The following C8orf34 variants were observed in gnomAD, a reference collection of about 807,000 sequenced individuals.
The protein encoded by C8orf34 is uncharacterized protein C8orf34.
A neutral mutation model predicts 68.3 loss-of-function variants in C8orf34; 65 were observed. The observed-to-expected ratio is 0.95, with a 90% CI of 0.78 to 1.17. The LOEUF (loss-of-function observed/expected upper bound fraction) is 1.17, where lower values mean the gene tolerates loss of function less well. Ranked by LOEUF, C8orf34 falls within the 50% of genes most tolerant of loss-of-function variation. The pLI is 0.00. For synonymous variants in C8orf34, 244 were observed against 241.2 expected (o/e 1.01, Z -0.11); for missense variants, 664 against 655.4 (o/e 1.01, Z -0.14).
At chr8:68,553,975 A>T (rs2130082880) in intron 7 of C8orf34, among the ~76,000 whole-genome samples, 1 of 152,314 alleles carries the variant, frequency 6.6e-6, no homozygotes, top group East Asian at 1.9e-4. Context: ...TGAAAATCAA[A>T]AAATGAGATA....
At chr8:68,395,127 A>C (rs1563402752) in intron 1 of C8orf34, among the ~76,000 whole-genome samples, 1 of 151,946 alleles carries the variant, frequency 6.6e-6, no homozygotes, top group Non-Finnish European at 1.5e-5. Flanking sequence ...AAAGTACAAA[A>C]AGTATTTTTT....
In C8orf34 at chr8:68,654,731, A is replaced by G. The variant is rs1819464466; in HGVS notation, c.1241+14220A>G. Among the ~76,000 whole-genome samples the G allele has an allele frequency of 2.0e-5, 3 of 152,176 alleles. No homozygotes were observed. In the East Asian group the frequency reaches 5.8e-4, roughly 29 times the overall value. On this transcript the variant is annotated intron_variant, in intron 8 of 13. Coordinates refer to ENST00000518698, the MANE Select transcript of C8orf34 (RefSeq NM_052958.4). ...AAAAAGGAAATACCTCAACTTCTAC[A>G]TGATTTCTACATTTTAATATAAATA...
intron 1 of C8orf34, among the ~76,000 whole-genome samples, chr8:68,426,800 T>C (rs1586117376): frequency 6.6e-6 from 1 of 151,126 alleles, no homozygotes; most frequent in Non-Finnish European, 1.5e-5. Flanking sequence ...ACCCAGGAGG[T>C]AGACGTTGCA....
chr8:68,665,106 GA>G (rs927808831), intron 8 of C8orf34, among the ~76,000 whole-genome samples: 8 of 152,288 alleles, frequency 5.3e-5, no homozygotes, highest in African/African-American at 1.9e-4. Context: ...ATTGATGACA[GA>G]AGTTTGGGAA....
chr8:68,732,453 A>G (rs911313418), intron 10 of C8orf34, among the ~76,000 whole-genome samples: 13 of 152,118 alleles, frequency 8.5e-5, no homozygotes, highest in African/African-American at 2.9e-4. Context: ...GTTCCTGGCC[A>G]TATTTCTTTC....
chr8:68,588,828 G>A (rs1817282682), intron 7 of C8orf34, among the ~76,000 whole-genome samples: 2 of 152,028 alleles, frequency 1.3e-5, no homozygotes, highest in South Asian at 2.1e-4. Flanking sequence ...CTAACAATGG[G>A]CTAGGTCAGA....
At chr8:68,658,623 C>G (rs1819580777) in intron 8 of C8orf34, among the ~76,000 whole-genome samples, 1 of 152,078 alleles carries the variant, frequency 6.6e-6, no homozygotes, top group South Asian at 2.1e-4. Context: ...CATATTCATT[C>G]TTTTCTCTTA....
rs780764703 is a variant in C8orf34, at chr8:68,410,646, G to A, written c.328-28853G>A. ...GAAGGCCTTCCTCTGGAGGTAGAGC[G>A]CTTTACTATAGTTCAGTCATAGGCA... On this transcript the variant is annotated intron_variant, in intron 1 of 13. Coordinates refer to ENST00000518698, the MANE Select transcript of C8orf34 (RefSeq NM_052958.4). Among the ~76,000 whole-genome samples the A allele has an allele frequency of 6.6e-5, 10 of 152,086 alleles. No individual in the cohort carries two copies. In the East Asian group the frequency reaches 7.7e-4, roughly 12 times the overall value.
chr8:68,719,334 A>G (rs1369115579), intron 9 of C8orf34, among the ~76,000 whole-genome samples: 1 of 152,040 alleles, frequency 6.6e-6, no homozygotes, highest in Non-Finnish European at 1.5e-5. Flanking sequence ...GGGCATTACT[A>G]TATTATAGAT....
chr8:68,702,875 T>A (rs954649466), intron 8 of C8orf34, among the ~76,000 whole-genome samples: 1 of 152,164 alleles, frequency 6.6e-6, no homozygotes, highest in Non-Finnish European at 1.5e-5. Context: ...TCATTATGGA[T>A]TCGGCTGTTG....
At chr8:68,558,645 G>A (rs1235538305) in intron 7 of C8orf34, among the ~76,000 whole-genome samples, 1 of 152,056 alleles carries the variant, frequency 6.6e-6, no homozygotes, top group Admixed American at 6.6e-5. Flanking sequence ...ACAAGCACAG[G>A]AAGAAATTTC....
intron 1 of C8orf34, among the ~76,000 whole-genome samples, chr8:68,406,193 G>C (rs1350287237): frequency 6.6e-6 from 1 of 152,158 alleles, no homozygotes; most frequent in East Asian, 1.9e-4. Flanking sequence ...ACAGACAGTT[G>C]ATCTGCTGGT....
intron 10 of C8orf34, among the ~76,000 whole-genome samples, chr8:68,757,156 T>A (rs1010871195): frequency 3.3e-5 from 5 of 150,988 alleles, no homozygotes; most frequent in Non-Finnish European, 3.0e-5. Flanking sequence ...AATTATTTAT[T>A]TTTTTTTTAT....
chr8:68,484,876 A>AG (rs1813009198), intron 4 of C8orf34, among the ~76,000 whole-genome samples: 1 of 152,258 alleles, frequency 6.6e-6, no homozygotes, highest in African/African-American at 2.4e-5. Context: ...AATAGAGTGG[A>AG]GATTTATTTG....
chr8:68,735,805 T>G (rs1822106225), intron 10 of C8orf34, among the ~76,000 whole-genome samples: 1 of 152,228 alleles, frequency 6.6e-6, no homozygotes, highest in African/African-American at 2.4e-5. Context: ...TAATGAACAT[T>G]AAATCTTAAC....
intron 12 of C8orf34, among the ~76,000 whole-genome samples, chr8:68,788,023 T>C (rs1823893067): frequency 6.6e-6 from 1 of 152,190 alleles, no homozygotes; most frequent in African/African-American, 2.4e-5. Flanking sequence ...TTGGTTCAAG[T>C]CACCATATTC....
At chr8:68,532,829 G>A (rs993200035) in intron 6 of C8orf34, among the ~76,000 whole-genome samples, 154 bp from the exon 7 acceptor site, 5 of 152,084 alleles carry the variant, frequency 3.3e-5, no homozygotes, top group Non-Finnish European at 5.9e-5. Context: ...AGTGAGGTAC[G>A]GATGGGTGTC....
At chr8:68,802,968 A>G (rs2129529644) in intron 12 of C8orf34, among the ~76,000 whole-genome samples, 1 of 152,316 alleles carries the variant, frequency 6.6e-6, no homozygotes. Flanking sequence ...CACACAGGAA[A>G]TAGAAAATCT....
intron 8 of C8orf34, among the ~76,000 whole-genome samples, chr8:68,643,774 G>A (rs1819084707): frequency 6.6e-6 from 1 of 152,004 alleles, no homozygotes; most frequent in Admixed American, 6.6e-5. Context: ...AATTTGGGAG[G>A]GGCACAAACA....
Sources: gnomAD v4.1 joint callset for allele counts (sites outside exome capture counted in the v4.1 genomes callset) on GRCh38, gnomAD v4.1.1 for gene constraint, MANE v1.5 for transcripts, NCBI Gene and HGNC (gene_info 2026-07-23, HGNC 2026-07-21) for gene names.